The following CNTNAP4 variants were observed in gnomAD, a reference collection of about 807,000 sequenced individuals.
CNTNAP4 encodes contactin associated protein family member 4.
In CNTNAP4, 98 loss-of-function variants were observed where a neutral mutation model predicts 148.4. The observed-to-expected ratio is 0.66, with a 90% confidence interval of 0.56 to 0.78. The LOEUF is 0.78. CNTNAP4 is among the 30% of genes least tolerant of loss of function. The probability of loss-of-function intolerance (pLI) is 0.00; values close to 1 mark genes in which losing one functional copy is unlikely to be tolerated. For synonymous variants in CNTNAP4, 730 were observed against 565.1 expected (o/e 1.29, Z -4.14); for missense variants, 1,935 against 1,565.6 (o/e 1.24, Z -3.98).
intron 4 of CNTNAP4, among the ~76,000 whole-genome samples, chr16:76,434,002 A>G (rs971839454): frequency 1.3e-4 from 18 of 143,132 alleles, no homozygotes; most frequent in African/African-American, 5.1e-4. Flanking sequence ...CTCTAGAAAG[A>G]CAGAACTAAT....
chr16:76,522,638 T>TTCC (rs2083509066), intron 17 of CNTNAP4, among the ~76,000 whole-genome samples: 2 of 82,570 alleles, frequency 2.4e-5, no homozygotes, highest in Non-Finnish European at 5.1e-5. Context: ...TCCTTCCTTC[T>TTCC]TTCTTTCTTT....
chr16:76,464,679 T>C (rs1335362375), intron 9 of CNTNAP4, among the ~76,000 whole-genome samples: 1 of 152,214 alleles, frequency 6.6e-6, no homozygotes, highest in East Asian at 1.9e-4. Context: ...GCCCGGGTTA[T>C]ACCTCCACTC....
intron 23 of CNTNAP4, among the ~76,000 whole-genome samples, chr16:76,556,085 C>T (rs986188498): frequency 1.3e-5 from 2 of 152,118 alleles, no homozygotes; most frequent in African/African-American, 2.4e-5. Flanking sequence ...AAGGATTTTC[C>T]AAATTGGCTA....
chr16:76,323,000 A>T (rs1421475625), intron 2 of CNTNAP4, among the ~76,000 whole-genome samples: 1 of 151,504 alleles, frequency 6.6e-6, no homozygotes, highest in Non-Finnish European at 1.5e-5. Flanking sequence ...ACACCCACCT[A>T]ATTTTTTTTG....
intron 1 of CNTNAP4, among the ~76,000 whole-genome samples, chr16:76,280,438 T>C (rs1958643883): frequency 6.6e-6 from 1 of 152,184 alleles, no homozygotes; most frequent in Non-Finnish European, 1.5e-5. Flanking sequence ...ACTACTAGAC[T>C]CGTGCTCATT....
In CNTNAP4 at chr16:76,559,912, T is replaced by A. The variant is rs138153740; in HGVS notation, c.*1229T>A. ...TAAGGGGAGATAGCATATTAAATGATCTACTGTGAATTTGTCATTCCAGAC... is the reference window on the plus strand; with the variant it reads ...TAAGGGGAGATAGCATATTAAATGAACTACTGTGAATTTGTCATTCCAGAC... On this transcript the variant is annotated 3_prime_UTR_variant, in exon 24 of 24. Coordinates refer to ENST00000611870, the MANE Select transcript of CNTNAP4 (RefSeq NM_033401.5). 3.9e-5 allele frequency among the ~76,000 whole-genome samples: 6 copies of A among 152,294 alleles called. 1 individual carries two copies. The highest frequency in any genetic ancestry group is 1.4e-4 in the African/African-American group (6 of 41,572).
Position 76,540,798 on chromosome 16 carries a change from A to C in CNTNAP4, c.3442+8A>C, listed in dbSNP as rs371028784. ...TATTGGGCAGGATTTTAGGTAAGTGAAAGAAACAACCTTTCCCCTAACCAT... is the reference window on the plus strand; with the variant it reads ...TATTGGGCAGGATTTTAGGTAAGTGCAAGAAACAACCTTTCCCCTAACCAT... On this transcript the variant is annotated splice_region_variant and intron_variant, in intron 21 of 23. Coordinates refer to ENST00000611870, the MANE Select transcript of CNTNAP4 (RefSeq NM_033401.5). 22 of 1,547,104 alleles carry C rather than the reference A, an allele frequency of 1.4e-5. No individual in the cohort carries two copies. In the African/African-American group the frequency reaches 2.6e-4, roughly 18 times the overall value.
intron 12 of CNTNAP4, 36 bp from the exon 13 acceptor site, chr16:76,489,650 G>T: frequency 8.1e-7 from 1 of 1,231,088 alleles, no homozygotes; most frequent in Non-Finnish European, 1.1e-6. Flanking sequence ...ACTAGTGATG[G>T]TCTCCTCTCT....
intron 3 of CNTNAP4, among the ~76,000 whole-genome samples, chr16:76,426,708 A>G (rs1012275513): frequency 6.6e-5 from 10 of 152,276 alleles, no homozygotes; most frequent in African/African-American, 2.4e-4. Context: ...AATGGTTGCA[A>G]ACACTGGAGG....
chr16:76,518,761 C>T (rs2071482718), intron 15 of CNTNAP4, among the ~76,000 whole-genome samples: 1 of 152,116 alleles, frequency 6.6e-6, no homozygotes, highest in African/African-American at 2.4e-5. Flanking sequence ...TAACTGTAGT[C>T]ACCCCAGTCT....
chr16:76,416,568 A>T (rs1169385163), intron 3 of CNTNAP4, among the ~76,000 whole-genome samples: 1 of 151,064 alleles, frequency 6.6e-6, no homozygotes, highest in African/African-American at 2.4e-5. Context: ...TTCTGTTATT[A>T]ATTTATAGTT....
chr16:76,485,880 C>G (rs1434517825), intron 12 of CNTNAP4, among the ~76,000 whole-genome samples: 4 of 152,208 alleles, frequency 2.6e-5, no homozygotes, highest in Admixed American at 2.6e-4. Context: ...AAGGCTGGCT[C>G]TCTCCCCTCC....
chr16:76,481,011 C>T (rs548692720), intron 12 of CNTNAP4, among the ~76,000 whole-genome samples: 106 of 152,192 alleles, frequency 7.0e-4, no homozygotes, highest in Non-Finnish European at 1.2e-3. Context: ...TGATTGGCTA[C>T]GTAAAGCCGT....
chr16:76,534,865 G>T (rs1441018079), intron 17 of CNTNAP4, among the ~76,000 whole-genome samples: 2 of 152,128 alleles, frequency 1.3e-5, no homozygotes, highest in Non-Finnish European at 2.9e-5. Flanking sequence ...TGACTTGATA[G>T]GTACATATGG....
intron 15 of CNTNAP4, among the ~76,000 whole-genome samples, chr16:76,500,142 A>G (rs972262249): frequency 1.3e-5 from 2 of 151,666 alleles, no homozygotes; most frequent in African/African-American, 4.9e-5. Flanking sequence ...GGCTGGGCAG[A>G]GGTGCCCCCC....
intron 3 of CNTNAP4, among the ~76,000 whole-genome samples, chr16:76,401,289 T>C (rs1361100687): frequency 2.0e-5 from 3 of 152,192 alleles, no homozygotes; most frequent in Non-Finnish European, 2.9e-5. Context: ...TATTTTATTC[T>C]TTTTGAGGTA....
chr16:76,322,260 T>A (rs1038512509), intron 2 of CNTNAP4, among the ~76,000 whole-genome samples: 1 of 152,200 alleles, frequency 6.6e-6, no homozygotes, highest in Non-Finnish European at 1.5e-5. Context: ...TAATTTTTTC[T>A]GGGTTTGGGC....
intron 3 of CNTNAP4, among the ~76,000 whole-genome samples, chr16:76,363,509 C>G (rs940175637): frequency 1.3e-5 from 2 of 152,036 alleles, no homozygotes; most frequent in Admixed American, 1.3e-4. Flanking sequence ...GGGTTAAAGA[C>G]TTAAATGGAA....
At chr16:76,325,075 A>G (rs1375307819) in intron 2 of CNTNAP4, among the ~76,000 whole-genome samples, 1 of 152,206 alleles carries the variant, frequency 6.6e-6, no homozygotes, top group Non-Finnish European at 1.5e-5. Flanking sequence ...AGGAAATATC[A>G]TGTAGTGAGC....
Sources: allele counts gnomAD v4.1 joint callset (sites outside exome capture counted in the v4.1 genomes callset), GRCh38; gene constraint gnomAD v4.1.1; transcripts MANE v1.5; gene names NCBI Gene and HGNC (gene_info 2026-07-23, HGNC 2026-07-21).